The following USP42 variants were observed in gnomAD, a reference collection of about 807,000 sequenced individuals.
USP42 encodes the protein ubiquitin specific peptidase 42.
USP42 carries 23 observed loss-of-function variants against 113.0 expected under a neutral mutation model. The observed-to-expected ratio is 0.20, with a 90% CI of 0.15 to 0.29. The LOEUF (loss-of-function observed/expected upper bound fraction) is 0.29. Among genes scored for constraint, USP42 ranks in the 10% least tolerant of loss-of-function variants. USP42 has a pLI of 1.00. For missense variants in USP42, 2,174 were observed against 1,779.8 expected, an observed-to-expected ratio of 1.22 and a Z score of -3.99; for synonymous variants, 933 against 699.0, an observed-to-expected ratio of 1.33 and a Z score of -5.28.
Position 6,149,959 on chromosome 7 carries a change from G to C in USP42, c.1763G>C (p.Cys588Ser), listed in dbSNP as rs753871997. 2 of 1,613,960 alleles carry C rather than the reference G, an allele frequency of 1.2e-6. No individual in the cohort carries two copies. The highest frequency in any genetic ancestry group is 3.3e-5 in the Admixed American group (2 of 60,014). ...AAACCGATCCCCCGCAGTGAATCCT[G>C]CTCCCAGCCCGTGATGAATGGCAAA... ...VTKPIPRSES[C>S]SQPVMNGKSK... is the part of the protein sequence containing the mutation. Residue 588 changes from cysteine (C) to serine (S), a missense_variant, in exon 13 of 18, where the codon TGC becomes TCC. Transcript: ENST00000306177.
Position 6,155,185 on chromosome 7 carries a change from C to G in USP42, c.3631C>G (p.Arg1211Gly). The G allele has an allele frequency of 1.3e-6, 2 of 1,531,846 alleles. No homozygotes were observed. Among genetic ancestry groups the G allele is most frequent in the Non-Finnish European group, 1.7e-6 (2 of 1,144,426 alleles). 94.9% of individuals were successfully genotyped at this position (1,531,846 alleles called of 1,614,324 possible). The change falls in exon 15 of 18, where the codon CGC becomes GGC. Residue 1211 changes from arginine (R) to glycine (G), a missense_variant. Coordinates refer to ENST00000306177, the MANE Select transcript of USP42 (RefSeq NM_032172.3). ...GAAATCCAAAGACAAACACCGAGACCGCGACTCCAGGTGAGCCTGGGGCCT... is the reference window on the plus strand; with the variant it reads ...GAAATCCAAAGACAAACACCGAGACGGCGACTCCAGGTGAGCCTGGGGCCT... ...KKKSKDKHRDRDSRHQQDSDL... is the reference protein window; with the variant it reads ...KKKSKDKHRDGDSRHQQDSDL...
rs558448136 is a variant in USP42, at chr7:6,139,750, C to A, written c.657-378C>A. 1.2e-5 allele frequency: 4 copies of A among 321,076 alleles called. No individual in the cohort carries two copies. Among genetic ancestry groups the A allele is most frequent in the East Asian group, 1.7e-4 (2 of 12,090 alleles). The allele number at this position is 321,076 out of a possible 1,614,324, so 19.9% of individuals were successfully genotyped here. On this transcript the variant is annotated intron_variant, in intron 5 of 17. Coordinates refer to ENST00000306177, the MANE Select transcript of USP42 (RefSeq NM_032172.3). The surrounding 1 kb of genome is among the most constrained non-coding windows in gnomAD (Gnocchi z 4.5). ...CCGCCCTGTCTAGGACTTCATTGTC[C>A]GGGTGATGACATACTTGGGTCGGAG...
At position 6,158,245 on chromosome 7, in the gene USP42, G is replaced by C. The variant is rs1416430039; in HGVS notation, c.3943+1190G>C. Among the ~76,000 whole-genome samples the C allele has an allele frequency of 2.0e-5, 3 of 152,268 alleles. No homozygotes were observed. In the East Asian group the frequency reaches 5.8e-4, roughly 29 times the overall value. On this transcript the variant is annotated intron_variant, in intron 16 of 17. Transcript: ENST00000306177. The surrounding 1 kb of genome is among the most constrained non-coding windows in gnomAD (Gnocchi z 4.2). ...GCGGCTTCGCTGTCACTGCCTGGCA[G>C]AGGTGAGTGGCTGCGGCAGGGCAGG... is the stretch of plus-strand genomic sequence containing the variant.
chr7:6,146,757 CTG>C (rs1781740408), intron 11 of USP42, among the ~76,000 whole-genome samples: 1 of 152,230 alleles, frequency 6.6e-6, no homozygotes, highest in African/African-American at 2.4e-5. Context: ...GCATCGCACT[CTG>C]TGGCCATGAG....
chr7:6,132,758 G>A lies in USP42; in HGVS notation c.443-3083G>A, dbSNP rs542018742. Among the ~76,000 whole-genome samples the A allele has an allele frequency of 1.1e-4, 16 of 151,692 alleles. 1 individual carries two copies. Among genetic ancestry groups the A allele is most frequent in the African/African-American group, 2.4e-4 (10 of 41,352 alleles). On this transcript the variant is annotated intron_variant, in intron 3 of 17. Transcript: ENST00000306177. ...GAGATCTCGGCTCACTGCAACCTCCGCCTCCCGGGTTCACGCCATTCTCCT... is the reference window on the plus strand; with the variant it reads ...GAGATCTCGGCTCACTGCAACCTCCACCTCCCGGGTTCACGCCATTCTCCT...
At chr7:6,133,133 T>C (rs1780942206) in intron 3 of USP42, among the ~76,000 whole-genome samples, 1 of 152,236 alleles carries the variant, frequency 6.6e-6, no homozygotes, top group African/African-American at 2.4e-5. Context: ...TCAGTGACTT[T>C]TGAAAACTTA....
In USP42 at chr7:6,157,521, C is replaced by A; in HGVS notation, c.3943+466C>A. Reference sequence around the variant, plus strand: ...CATGCTGTTCTCCTGCCTCAGCCTCCTGAGTAGCCGGGACTACAGGCGCCC... The same window carrying A: ...CATGCTGTTCTCCTGCCTCAGCCTCATGAGTAGCCGGGACTACAGGCGCCC... On this transcript the variant is annotated intron_variant, in intron 16 of 17. Transcript: ENST00000306177. The surrounding 1 kb of genome is among the most constrained non-coding windows in gnomAD (Gnocchi z 4.1). 1 of 489,118 alleles carries A rather than the reference C, an allele frequency of 2.0e-6. No homozygotes were observed. Among genetic ancestry groups the A allele is most frequent in the Non-Finnish European group, 2.7e-6 (1 of 376,494 alleles). 30.3% of individuals were successfully genotyped at this position (489,118 alleles called of 1,614,324 possible). A position where few individuals can be genotyped will look rare whatever the true frequency, so the allele number is the denominator to read the frequency against.
At chr7:6,103,926 A>C (rs1193870415), upstream of USP42, among the ~76,000 whole-genome samples, 1 of 150,180 alleles carries the variant, frequency 6.7e-6, no homozygotes, top group Non-Finnish European at 1.5e-5. Flanking sequence ...ACAAACAAAA[A>C]CCCTAAAATT....
chr7:6,085,342 G>T, the USP42 span: 4 of 150,016 alleles, frequency 2.7e-5, no homozygotes, highest in Non-Finnish European at 1.5e-5. Flanking sequence ...GGCCACGCTG[G>T]TCTGGATCTC....
chr7:6,113,200 TAA>T (rs1244003102), intron 2 of USP42, among the ~76,000 whole-genome samples: 6 of 151,944 alleles, frequency 3.9e-5, no homozygotes, highest in African/African-American at 7.3e-5. Flanking sequence ...CGGACAACAG[TAA>T]GTTTCATATT....
At position 6,115,534 on chromosome 7, in the gene USP42, C is replaced by G. The variant is rs770413354; in HGVS notation, c.442+11C>G. On this transcript the variant is annotated intron_variant, in intron 3 of 17. Coordinates refer to ENST00000306177, the MANE Select transcript of USP42 (RefSeq NM_032172.3). ...AACACTCCAAAACATGTAAGTGTTC[C>G]GTGTTGTGTTTGTAGTATTGTAGTG... is the stretch of plus-strand genomic sequence containing the variant. 17 of 1,613,434 alleles carry G rather than the reference C, an allele frequency of 1.1e-5. No homozygotes were observed. In the African/African-American group the frequency reaches 2.0e-4, roughly 19 times the overall value.
chr7:6,150,538 G>A lies in USP42; in HGVS notation c.2201+32G>A, dbSNP rs746086008. ...TAAGAGTACATCTGAGGCACGTGTG[G>A]CAGCATAGTAGGAAATCCAGTAGCC... On this transcript the variant is annotated intron_variant, in intron 14 of 17. Coordinates refer to ENST00000306177, the MANE Select transcript of USP42 (RefSeq NM_032172.3). The A allele has an allele frequency of 2.5e-6, 4 of 1,593,312 alleles. No individual in the cohort carries two copies. In the African/African-American group the frequency reaches 5.4e-5, roughly 21 times the overall value.
At chr7:6,109,271 G>A (rs1779461236) in intron 1 of USP42, among the ~76,000 whole-genome samples, 1 of 152,202 alleles carries the variant, frequency 6.6e-6, no homozygotes, top group South Asian at 2.1e-4. Flanking sequence ...CTTCAGCATG[G>A]TGGGAACGTG....
Position 6,154,410 on chromosome 7 carries a change from C to A in USP42, c.2856C>A (p.His952Gln). 6.3e-7 allele frequency: 1 copy of A among 1,576,248 alleles called. No individual in the cohort carries two copies. The highest frequency in any genetic ancestry group is 8.6e-7 in the Non-Finnish European group (1 of 1,162,714). ...IGSLRKVDRG[H>Q]YRSRRERSSS... ...GCCTCAGAAAGGTGGACCGAGGCCA[C>A]TACCGCAGCCGGAGAGAGCGCTCGT... The change falls in exon 15 of 18, where the codon CAC becomes CAA. Residue 952 changes from histidine (H) to glutamine (Q), a missense_variant. Transcript: ENST00000306177.
At chr7:6,151,086 A>G (rs767414013) in intron 14 of USP42, among the ~76,000 whole-genome samples, 3 of 152,208 alleles carry the variant, frequency 2.0e-5, no homozygotes, top group Non-Finnish European at 4.4e-5. Flanking sequence ...GTGTATCTAA[A>G]CATAGAAAAG....
chr7:6,109,147 A>T (rs1779453600), intron 1 of USP42, among the ~76,000 whole-genome samples: 3 of 152,180 alleles, frequency 2.0e-5, no homozygotes, highest in African/African-American at 7.2e-5. Flanking sequence ...TAAAGTCTAA[A>T]CTGAGAAGTG....
the USP42 span, among the ~76,000 whole-genome samples, chr7:6,093,287 C>CTTTTTT: frequency 6.9e-6 from 1 of 145,654 alleles, no homozygotes. Flanking sequence ...TTTCTTCTCT[C>CTTTTTT]TCTTTTTTTT....
chr7:6,106,569 C>G (rs1027499557), intron 1 of USP42, among the ~76,000 whole-genome samples: 1 of 152,072 alleles, frequency 6.6e-6, no homozygotes, highest in Non-Finnish European at 1.5e-5. Context: ...GATTCATGTT[C>G]ATGTTGTTTT....
At chr7:6,083,370 C>A in the USP42 span, among the ~76,000 whole-genome samples, 188 of 150,330 alleles carry the variant, frequency 1.3e-3, no homozygotes, top group Non-Finnish European at 9.4e-4. Flanking sequence ...ATTCTCCTGC[C>A]TCAGCCTCTC....
Sources: gnomAD v4.1 joint callset for allele counts (sites outside exome capture counted in the v4.1 genomes callset) on GRCh38, gnomAD v4.1.1 for gene constraint, Gnocchi (gnomAD v3.1) non-coding constraint, MANE v1.5 for transcripts, NCBI Gene and HGNC (gene_info 2026-07-23, HGNC 2026-07-21) for gene names.